The following MFSD8 variants were observed in gnomAD, a reference collection of about 807,000 sequenced individuals.
MFSD8 encodes the protein major facilitator superfamily domain containing 8.
In MFSD8, 55 loss-of-function variants were observed where a neutral mutation model predicts 66.4. That is an observed-to-expected ratio of 0.83 (90% confidence interval 0.67 to 1.04). The LOEUF is 1.04. MFSD8 is among the 50% of genes least tolerant of loss of function. MFSD8 has a pLI of 0.00. For missense variants in MFSD8, 550 were observed against 627.6 expected (o/e 0.88, Z 1.32); for synonymous variants, 202 against 212.8 (o/e 0.95, Z 0.44).
At chr4:127,940,041 G>T in intron 5 of MFSD8, 44 bp from the exon 6 acceptor site, 1 of 1,533,270 alleles carries the variant, frequency 6.5e-7, no homozygotes, top group Non-Finnish European at 9.0e-7. Context: ...TATATGAGAA[G>T]CATAGGATAA....
intron 2 of MFSD8, among the ~76,000 whole-genome samples, chr4:127,951,886 A>C (rs915696530): frequency 5.3e-5 from 8 of 151,084 alleles, no homozygotes; most frequent in Non-Finnish European, 1.0e-4. Context: ...GTGCCACCAC[A>C]CCCAGCTAAT....
chr4:127,926,917 T>A (rs1229148848), intron 9 of MFSD8, among the ~76,000 whole-genome samples: 1 of 152,240 alleles, frequency 6.6e-6, no homozygotes, highest in Non-Finnish European at 1.5e-5. Context: ...ATCTGTGGTA[T>A]GATACTGTTT....
At chr4:127,957,819 T>C (rs2148974068) in intron 1 of MFSD8, among the ~76,000 whole-genome samples, 1 of 152,336 alleles carries the variant, frequency 6.6e-6, no homozygotes, top group Non-Finnish European at 1.5e-5. Context: ...AGTATAGTTT[T>C]AAAAGAGGAA....
intron 2 of MFSD8, 83 bp downstream of exon 2, chr4:127,957,418 G>T: frequency 1.0e-6 from 1 of 976,690 alleles, no homozygotes; most frequent in Non-Finnish European, 1.6e-6. Flanking sequence ...TAATTTCAGA[G>T]GCAATGAAAG....
Position 127,921,537 on chromosome 4 carries a change from C to T in MFSD8, c.1337G>A (p.Gly446Glu). 6.2e-7 allele frequency: 1 copy of T among 1,614,044 alleles called. No homozygotes were observed. Among genetic ancestry groups the T allele is most frequent in the Non-Finnish European group, 8.5e-7 (1 of 1,180,020 alleles). The change falls in exon 11 of 12, where the codon GGA (glycine) becomes GAA (glutamate). Residue 446 changes from glycine to glutamate, a missense_variant. Transcript: ENST00000641686. ...TACCTGGCTTACCTGAGGTTTTGGT[C>T]CTAGAATTTTTGAATATAGAGTATA... is the stretch of plus-strand genomic sequence containing the variant. Reference protein sequence around the residue: ...MSYTLYSKILGPKPQGVYMGW... With the variant: ...MSYTLYSKILEPKPQGVYMGW...
chr4:127,956,332 G>A (rs1742856995), intron 2 of MFSD8, among the ~76,000 whole-genome samples: 1 of 150,132 alleles, frequency 6.7e-6, no homozygotes, highest in African/African-American at 2.4e-5. Context: ...GTGAAACCCC[G>A]TCTCTACTAA....
At chr4:127,944,774 C>CCTCA (rs1740770403) in intron 3 of MFSD8, among the ~76,000 whole-genome samples, 1 of 152,104 alleles carries the variant, frequency 6.6e-6, no homozygotes, top group Non-Finnish European at 1.5e-5. Flanking sequence ...GATCCTCCTG[C>CCTCA]CTCAGCCTCT....
At chr4:127,927,500 T>G (rs1195692432) in intron 9 of MFSD8, among the ~76,000 whole-genome samples, 1 of 152,218 alleles carries the variant, frequency 6.6e-6, no homozygotes, top group Non-Finnish European at 1.5e-5. Context: ...AGTGCTATTT[T>G]CAACTTATGA....
At chr4:127,939,618 A>C (rs922285742) in intron 6 of MFSD8, 10 of 316,844 alleles carry the variant, frequency 3.2e-5, no homozygotes, top group Non-Finnish European at 5.1e-5. Flanking sequence ...AAAAAAAAAA[A>C]AAAAAAAAAA....
chr4:127,933,081 T>G lies in MFSD8; in HGVS notation c.767A>C (p.Glu256Ala), dbSNP rs763119554. ...AATATTTCCTTGGGGAACCTGAGCT[T>G]CATCTGTACTTGCTATAGGGAAATA... ...SINFEEASTD[E>A]AQVPQGNIDQ... The change falls in exon 8 of 12, where the codon GAA becomes GCA. Residue 256 changes from glutamate to alanine, a missense_variant. Physicochemically the swap from Glu to Ala is moderately radical, Grantham distance 107 (BLOSUM62 -1). Coordinates refer to ENST00000641686, the MANE Select transcript of MFSD8 (RefSeq NM_001371596.2). The G allele has an allele frequency of 4.3e-6, 7 of 1,613,414 alleles. No homozygotes were observed. The African/African-American group carries it at 9.3e-5, about 22-fold the overall frequency.
chr4:127,918,507 C>T lies in MFSD8; in HGVS notation c.*2123G>A, dbSNP rs758609347. ...TTTTCTGTTATATTCTTGCTGGAAA[C>T]AGGTTATTATGCTAAGACAAAAGCT... On this transcript the variant is annotated 3_prime_UTR_variant, in exon 12 of 12. Coordinates refer to ENST00000641686, the MANE Select transcript of MFSD8 (RefSeq NM_001371596.2). The T allele has an allele frequency of 1.1e-4, 17 of 152,118 alleles. No individual in the cohort carries two copies. Among genetic ancestry groups the T allele is most frequent in the Non-Finnish European group, 2.2e-4 (15 of 68,008 alleles). 9.4% of individuals were successfully genotyped at this position (152,118 alleles called of 1,614,324 possible).
intron 2 of MFSD8, among the ~76,000 whole-genome samples, chr4:127,956,390 C>G (rs983516163): frequency 2.7e-5 from 4 of 150,526 alleles, no homozygotes; most frequent in African/African-American, 9.8e-5. Context: ...GTCCCAGCTA[C>G]TCGGGAGGCT....
intron 2 of MFSD8, among the ~76,000 whole-genome samples, chr4:127,951,881 A>C (rs1445774170): frequency 6.6e-6 from 1 of 151,562 alleles, no homozygotes; most frequent in Non-Finnish European, 1.5e-5. Flanking sequence ...AGCACGTGCC[A>C]CCACACCCAG....
chr4:127,945,719 T>C (rs564488512), intron 3 of MFSD8: 41 of 152,292 alleles, frequency 2.7e-4, no homozygotes, highest in Admixed American at 2.4e-3. Context: ...TGATACATAA[T>C]ATTTAAAGTT....
intron 8 of MFSD8, among the ~76,000 whole-genome samples, chr4:127,931,963 T>C (rs1403639879): frequency 1.3e-5 from 2 of 151,980 alleles, no homozygotes; most frequent in Non-Finnish European, 2.9e-5. Flanking sequence ...ATAAACAAAT[T>C]AGCTGAGCAT....
rs780548594 is a variant in MFSD8, at chr4:127,965,111, C to T, written c.23G>A (p.Ser8Asn). 6.2e-7 allele frequency: 1 copy of T among 1,613,960 alleles called. No homozygotes were observed. Among genetic ancestry groups the T allele is most frequent in the Admixed American group, 1.7e-5 (1 of 60,014 alleles). Residue 8 changes from serine (S) to asparagine (N), a missense_variant, in exon 1 of 12, where the codon AGT becomes AAT. Transcript: ENST00000641686. MAGLRNE[S>N]EQEPLLGDTP... ...GTCGCCTAAGAGCGGCTCCTGTTCA[C>T]TTTCGTTCCGCAGGCCGGCCATAGT... is the stretch of plus-strand genomic sequence containing the variant.
chr4:127,950,162 A>G (rs1220043481), intron 2 of MFSD8, among the ~76,000 whole-genome samples: 1 of 152,222 alleles, frequency 6.6e-6, no homozygotes, highest in African/African-American at 2.4e-5. Context: ...AAATGAATGG[A>G]GGAAAGGCTA....
rs1171280011 is a variant in MFSD8, at chr4:127,919,158, GAGCAC to G, written c.*1467_*1471del. On this transcript the variant is annotated 3_prime_UTR_variant, in exon 12 of 12. Coordinates refer to ENST00000641686, the MANE Select transcript of MFSD8 (RefSeq NM_001371596.2). ...TTAGAGCTGAAAAAATTGAGTTTAA[GAGCAC>G]AGCTAGTTTAGCATAAAGTGCAGAT... The G allele has an allele frequency of 1.3e-5, 2 of 152,162 alleles. No homozygotes were observed. The highest frequency in any genetic ancestry group is 2.9e-5 in the Non-Finnish European group (2 of 68,008). 9.4% of individuals were successfully genotyped at this position (152,162 alleles called of 1,614,324 possible). A position where few individuals can be genotyped will look rare whatever the true frequency, so the allele number is the denominator to read the frequency against.
At chr4:127,935,340 T>C (rs1738883175) in intron 7 of MFSD8, among the ~76,000 whole-genome samples, 5 of 152,212 alleles carry the variant, frequency 3.3e-5, no homozygotes, top group Admixed American at 3.3e-4. Flanking sequence ...TAGTTTCCTA[T>C]AGCTTCTACT....
Sources: gnomAD v4.1 joint callset for allele counts (sites outside exome capture counted in the v4.1 genomes callset) on GRCh38, gnomAD v4.1.1 for gene constraint, MANE v1.5 for transcripts, NCBI Gene and HGNC (gene_info 2026-07-23, HGNC 2026-07-21) for gene names.